The following SUZ12 variants were observed in gnomAD, a reference collection of about 807,000 sequenced individuals.
The protein encoded by SUZ12 is polycomb protein SUZ12.
A neutral mutation model predicts 87.3 loss-of-function variants in SUZ12; 17 were observed. The ratio of observed to expected loss-of-function variants is 0.19; its 90% CI spans 0.13 to 0.29. The LOEUF is 0.29. Ranked by LOEUF, SUZ12 falls within the 10% of genes least tolerant of loss-of-function variation. The pLI is 1.00. For synonymous variants in SUZ12, 253 were observed against 312.4 expected (o/e 0.81, Z 2.01); for missense variants, 526 against 912.2 (o/e 0.58, Z 5.45).
Position 31,937,150 on chromosome 17 carries a change from C to A in SUZ12, c.-97C>A, listed in dbSNP as rs1458827007. Reference sequence around the variant, plus strand: ...CTCTCTCCTCCTTCCCCCCTCGGTCCGCCGGAGCCTGCTGGGGCGAGCGGT... The same window carrying A: ...CTCTCTCCTCCTTCCCCCCTCGGTCAGCCGGAGCCTGCTGGGGCGAGCGGT... On this transcript the variant is annotated 5_prime_UTR_variant, in exon 1 of 16. Coordinates refer to ENST00000322652, the MANE Select transcript of SUZ12 (RefSeq NM_015355.4). 63 of 1,105,222 alleles carry A rather than the reference C, an allele frequency of 5.7e-5. No homozygotes were observed. The highest frequency in any genetic ancestry group is 9.6e-5 in the East Asian group (3 of 31,168). 68.5% of individuals were successfully genotyped at this position (1,105,222 alleles called of 1,614,324 possible). A position where few individuals can be genotyped will look rare whatever the true frequency, so the allele number is the denominator to read the frequency against.
chr17:31,969,106 A>G (rs906374902), intron 5 of SUZ12, among the ~76,000 whole-genome samples: 2 of 152,078 alleles, frequency 1.3e-5, no homozygotes, highest in Non-Finnish European at 2.9e-5. Flanking sequence ...CCTCCCAAGT[A>G]TCTGGGATTA....
intron 15 of SUZ12, among the ~76,000 whole-genome samples, chr17:31,997,126 C>A (rs1263380081): frequency 1.3e-5 from 2 of 151,896 alleles, no homozygotes; most frequent in African/African-American, 4.8e-5. Flanking sequence ...AAAATCAAGG[C>A]AAAAACCGGG....
intron 8 of SUZ12, among the ~76,000 whole-genome samples, chr17:31,978,790 A>C (rs1908902410): frequency 6.6e-6 from 1 of 152,210 alleles, no homozygotes; most frequent in African/African-American, 2.4e-5. Flanking sequence ...AGAAACTGGG[A>C]GAATTTCCCC....
At chr17:31,950,875 G>C (rs1240292303) in intron 4 of SUZ12, among the ~76,000 whole-genome samples, 1 of 152,028 alleles carries the variant, frequency 6.6e-6, no homozygotes, top group Non-Finnish European at 1.5e-5. Flanking sequence ...TGCCCGCCGG[G>C]GTTCACGCCA....
chr17:31,966,682 A>G (rs1313426450), intron 5 of SUZ12: 1 of 153,202 alleles, frequency 6.5e-6, no homozygotes. Context: ...TAGGTAAAGA[A>G]TCTCCTCAGT....
intron 4 of SUZ12, chr17:31,965,577 G>A (rs1476643330): frequency 6.6e-6 from 1 of 152,134 alleles, no homozygotes; most frequent in East Asian, 1.9e-4. Flanking sequence ...TTGTAATTGT[G>A]TATTTCATTG....
chr17:31,962,180 A>G (rs1208626618), intron 4 of SUZ12, among the ~76,000 whole-genome samples: 23 of 152,324 alleles, frequency 1.5e-4, no homozygotes, highest in African/African-American at 5.5e-4. Context: ...TCATGCCTAT[A>G]ATCGCAGCAC....
At position 31,995,678 on chromosome 17, in the gene SUZ12, C is replaced by T. The variant is rs773926535; in HGVS notation, c.1710C>T (p.Thr570=). 2.5e-6 allele frequency: 4 copies of T among 1,613,932 alleles called. No homozygotes were observed. Among genetic ancestry groups the T allele is most frequent in the East Asian group, 2.2e-5 (1 of 44,854 alleles). The part of the protein sequence containing the change: ...GHNRLYFHSD[T]CLPLRPQEME... ...ATCGTCTGTATTTCCATAGTGATAC[C>T]TGCTTACCTCTCCGTCCACAAGAAA... The change falls in exon 14 of 16, where the codon ACC becomes ACT. Residue 570 remains threonine (T), a synonymous_variant. Coordinates refer to ENST00000322652, the MANE Select transcript of SUZ12 (RefSeq NM_015355.4).
intron 15 of SUZ12, among the ~76,000 whole-genome samples, chr17:31,997,916 T>G (rs1281233576): frequency 6.6e-6 from 1 of 152,006 alleles, no homozygotes; most frequent in Non-Finnish European, 1.5e-5. Context: ...AGGAGAACAA[T>G]TTTTGTTTCT....
At chr17:31,946,704 A>AT (rs931045089) in intron 3 of SUZ12, among the ~76,000 whole-genome samples, 40 of 152,100 alleles carry the variant, frequency 2.6e-4, no homozygotes, top group African/African-American at 9.4e-4. Flanking sequence ...AAAGAGAAAC[A>AT]TTTTTTCTAA....
intron 10 of SUZ12, among the ~76,000 whole-genome samples, chr17:31,988,795 G>A (rs1909547612): frequency 6.6e-6 from 1 of 151,782 alleles, no homozygotes; most frequent in African/African-American, 2.4e-5. Flanking sequence ...GGTTGGCCGA[G>A]CGCAGTGGCT....
chr17:31,995,829 T>A, intron 14 of SUZ12, 67 bp downstream of exon 14: 1 of 1,163,150 alleles, frequency 8.6e-7, no homozygotes, highest in Non-Finnish European at 1.2e-6. Context: ...TTGCTTACTA[T>A]GAACTAGACT....
At chr17:31,960,703 G>T (rs571972565) in intron 4 of SUZ12, among the ~76,000 whole-genome samples, 1 of 152,024 alleles carries the variant, frequency 6.6e-6, no homozygotes, top group South Asian at 2.1e-4. Flanking sequence ...TCAGCCTCCC[G>T]AGTAACTGGG....
At chr17:31,995,987 T>A (rs1909960474) in intron 14 of SUZ12, among the ~76,000 whole-genome samples, 1 of 152,042 alleles carries the variant, frequency 6.6e-6, no homozygotes, top group African/African-American at 2.4e-5. Context: ...GGCAGGCGCA[T>A]TGCCTGAGTT....
At chr17:31,955,295 T>C (rs1320822771) in intron 4 of SUZ12, among the ~76,000 whole-genome samples, 6 of 152,070 alleles carry the variant, frequency 3.9e-5, no homozygotes, top group African/African-American at 1.4e-4. Context: ...AAAAGGTTTT[T>C]TTAGGAGACA....
At chr17:31,962,781 C>T (rs1465950361) in intron 4 of SUZ12, among the ~76,000 whole-genome samples, 2 of 152,176 alleles carry the variant, frequency 1.3e-5, no homozygotes, top group African/African-American at 4.8e-5. Flanking sequence ...AGCAGTTAGA[C>T]AAAAGATTTG....
intron 1 of SUZ12, among the ~76,000 whole-genome samples, chr17:31,939,092 A>T (rs1212199855): frequency 3.3e-5 from 5 of 152,360 alleles, no homozygotes; most frequent in Admixed American, 1.3e-4. Context: ...ATTTTAACTA[A>T]TTTGAAATTT....
intron 4 of SUZ12, among the ~76,000 whole-genome samples, chr17:31,955,553 C>G (rs1236518310): frequency 6.6e-6 from 1 of 151,996 alleles, no homozygotes; most frequent in Non-Finnish European, 1.5e-5. Context: ...TTGAGAACAG[C>G]CTGACCAACA....
intron 4 of SUZ12, among the ~76,000 whole-genome samples, chr17:31,955,968 G>A (rs1299513313): frequency 1.3e-5 from 2 of 151,674 alleles, no homozygotes; most frequent in African/African-American, 4.8e-5. Context: ...CTGGAGTGCA[G>A]TGGTGCGATC....
Sources: allele counts gnomAD v4.1 joint callset (sites outside exome capture counted in the v4.1 genomes callset), GRCh38; gene constraint gnomAD v4.1.1; transcripts MANE v1.5; gene names NCBI Gene and HGNC (gene_info 2026-07-23, HGNC 2026-07-21).